RBFOX1: variants seen among roughly 807,000 people sequenced by gnomAD.
RBFOX1 encodes the protein RNA binding protein fox-1 homolog 1.
Under a neutral mutation model 57.7 loss-of-function variants are expected in RBFOX1, and 8 were observed. The observed-to-expected ratio is 0.14, with a 90% CI of 0.08 to 0.25. The LOEUF (loss-of-function observed/expected upper bound fraction) is 0.25. Ranked by LOEUF, RBFOX1 falls within the 10% of genes least tolerant of loss-of-function variation. RBFOX1 has a pLI of 1.00. For missense variants in RBFOX1, 611 were observed against 548.5 expected (o/e 1.11, Z -1.14); for synonymous variants, 326 against 222.4 (o/e 1.47, Z -4.15).
At chr16:6,664,207 C>G (rs1437020847) in intron 3 of RBFOX1, among the ~76,000 whole-genome samples, 1 of 151,368 alleles carries the variant, frequency 6.6e-6, no homozygotes, top group Non-Finnish European at 1.5e-5. Flanking sequence ...ACCAGCAAAG[C>G]TTTTTGCTGT....
At chr16:6,847,636 T>G (rs1389829806) in intron 3 of RBFOX1, among the ~76,000 whole-genome samples, 3 of 152,098 alleles carry the variant, frequency 2.0e-5, no homozygotes, top group African/African-American at 7.2e-5. Flanking sequence ...GAAGAATTGC[T>G]GCCAGTAATT....
intron 4 of RBFOX1, among the ~76,000 whole-genome samples, chr16:7,362,399 G>T (rs183898393): frequency 1.3e-4 from 20 of 151,724 alleles, no homozygotes; most frequent in Non-Finnish European, 2.2e-4. Flanking sequence ...GTGTGTGATT[G>T]TGTGTATATG....
At chr16:7,374,143 A>G (rs973072553) in intron 4 of RBFOX1, among the ~76,000 whole-genome samples, 1 of 152,170 alleles carries the variant, frequency 6.6e-6, no homozygotes, top group Non-Finnish European at 1.5e-5. Context: ...ACTTTATTGC[A>G]GGTGACAGGG....
chr16:6,757,023 A>G (rs1174418334), intron 3 of RBFOX1, among the ~76,000 whole-genome samples: 3 of 74,488 alleles, frequency 4.0e-5, no homozygotes, highest in African/African-American at 1.3e-4. Context: ...AAAAACATAC[A>G]AATGGCCAAC....
chr16:7,438,900 C>G (rs1290120479), intron 4 of RBFOX1, among the ~76,000 whole-genome samples: 2 of 152,182 alleles, frequency 1.3e-5, no homozygotes, highest in African/African-American at 4.8e-5. Context: ...ATGAATCCCC[C>G]CCTTCAGCTC....
At chr16:6,179,355 C>T (rs758228730) in intron 1 of RBFOX1, among the ~76,000 whole-genome samples, 22 of 152,080 alleles carry the variant, frequency 1.4e-4, no homozygotes, top group Non-Finnish European at 2.2e-4. Flanking sequence ...CACCTGTGTC[C>T]GCAGGTGGGG....
intron 1 of RBFOX1, among the ~76,000 whole-genome samples, chr16:5,431,126 A>G (rs2067720222): frequency 1.3e-5 from 2 of 152,180 alleles, no homozygotes; most frequent in South Asian, 4.2e-4. Flanking sequence ...GTAAGTCCGC[A>G]GTCACCCTGA....
intron 4 of RBFOX1, among the ~76,000 whole-genome samples, chr16:5,880,274 A>G (rs1008253370): frequency 6.6e-5 from 10 of 152,202 alleles, no homozygotes; most frequent in Non-Finnish European, 1.5e-4. Context: ...CATTCACCCC[A>G]AAATCTGACT....
At chr16:5,367,534 GTCTTTGGAGTGTTAGGT>G (rs891752615) in intron 1 of RBFOX1, among the ~76,000 whole-genome samples, 108 of 152,308 alleles carry the variant, frequency 7.1e-4, no homozygotes, top group African/African-American at 2.3e-3. Flanking sequence ...CACCATTACT[GTCTTTGGAGTGTTAGGT>G]TCTTACAAAC....
At chr16:5,466,807 G>A (rs774860625) in intron 1 of RBFOX1, among the ~76,000 whole-genome samples, 23 of 151,976 alleles carry the variant, frequency 1.5e-4, no homozygotes, top group Non-Finnish European at 3.1e-4. Context: ...CCCTCCATAT[G>A]GAAGTCTCCT....
rs1157711156 is a variant in RBFOX1, at chr16:5,245,169, A to G, written c.219+5064A>G. On this transcript the variant is annotated intron_variant, in intron 1 of 2. Transcript: ENST00000585867. Reference sequence around the variant, plus strand: ...GCCAGGGATGCAGGCGAGTCACATGATGGTGTTGATGTGTGGAGTCCGGTG... The same window carrying G: ...GCCAGGGATGCAGGCGAGTCACATGGTGGTGTTGATGTGTGGAGTCCGGTG... 3.3e-5 allele frequency among the ~76,000 whole-genome samples: 5 copies of G among 152,080 alleles called. 1 individual carries two copies. In the South Asian group the frequency reaches 8.3e-4, roughly 25 times the overall value.
intron 3 of RBFOX1, among the ~76,000 whole-genome samples, chr16:5,805,070 A>T (rs1034605331): frequency 2.6e-5 from 4 of 152,120 alleles, no homozygotes; most frequent in Admixed American, 2.6e-4. Flanking sequence ...TGTTTGAATC[A>T]AAAGAAGGTG....
chr16:5,286,058 C>G (rs562694302), intron 1 of RBFOX1, among the ~76,000 whole-genome samples: 21 of 152,322 alleles, frequency 1.4e-4, no homozygotes, highest in Non-Finnish European at 2.8e-4. Flanking sequence ...GCATGAACCA[C>G]CACACCTGGC....
Position 6,816,375 on chromosome 16 carries a change from A to C in RBFOX1, c.-16+161725A>C, listed in dbSNP as rs145434174. On this transcript the variant is annotated intron_variant, in intron 3 of 15. Transcript: ENST00000550418. ...GCCTGTTGAAAAAGCCTTTTAGATG[A>C]AAGTCAATCTTCGGTTTTGTTGTTG... Among the ~76,000 whole-genome samples, 848 of 152,004 alleles carry C rather than the reference A, an allele frequency of 5.6e-3. 13 individuals are homozygous for C. Among genetic ancestry groups the C allele is most frequent in the African/African-American group, 0.02 (819 of 41,446 alleles).
At chr16:6,652,223 G>A (rs1264580342) in intron 2 of RBFOX1, among the ~76,000 whole-genome samples, 2 of 152,064 alleles carry the variant, frequency 1.3e-5, no homozygotes, top group Non-Finnish European at 2.9e-5. Context: ...GGGCGAGGCG[G>A]GCAGATCACT....
chr16:5,339,942 A>G (rs1002513792), intron 1 of RBFOX1, among the ~76,000 whole-genome samples: 1 of 152,158 alleles, frequency 6.6e-6, no homozygotes, highest in Non-Finnish European at 1.5e-5. Context: ...GAGTCCCATC[A>G]GTCTGAGGCA....
intron 5 of RBFOX1, among the ~76,000 whole-genome samples, chr16:7,573,029 C>G (rs11641934): frequency 0.26 from 39,774 of 151,728 alleles, 6,185 homozygotes; most frequent in Non-Finnish European, 0.34. Context: ...AATAAAAAGG[C>G]AAGAAGAGAT....
intron 1 of RBFOX1, among the ~76,000 whole-genome samples, chr16:5,343,573 G>T (rs550384851): frequency 1.3e-5 from 2 of 151,620 alleles, no homozygotes; most frequent in African/African-American, 4.8e-5. Context: ...TACCTGCCTT[G>T]GCCTCCCAAA....
intron 3 of RBFOX1, among the ~76,000 whole-genome samples, chr16:6,694,876 G>A (rs979670811): frequency 2.0e-5 from 3 of 151,820 alleles, no homozygotes; most frequent in African/African-American, 7.3e-5. Context: ...GGAACCACAC[G>A]GCAACACACA....
Sources: allele counts gnomAD v4.1 joint callset (sites outside exome capture counted in the v4.1 genomes callset), GRCh38; gene constraint gnomAD v4.1.1; transcripts MANE v1.5; gene names NCBI Gene and HGNC (gene_info 2026-07-23, HGNC 2026-07-21).